HORMAD2: variants seen among roughly 807,000 people sequenced by gnomAD.
HORMAD2 encodes the protein HORMA domain containing 2, also known as HORMA domain-containing protein 2.
HORMAD2 carries 45 observed loss-of-function variants against 38.8 expected under a neutral mutation model. That is an observed-to-expected ratio of 1.16 (90% CI 0.91 to 1.49). HORMAD2 has a LOEUF of 1.49. HORMAD2 is among the 40% of genes most tolerant of loss of function. The pLI is 0.00. For missense variants in HORMAD2, 338 were observed against 367.0 expected (o/e 0.92, Z 0.65); for synonymous variants, 126 against 122.8 (o/e 1.03, Z -0.17).
chr22:30,156,274 A>C (rs1465775785), intron 10 of HORMAD2, among the ~76,000 whole-genome samples: 7 of 152,174 alleles, frequency 4.6e-5, no homozygotes, highest in Non-Finnish European at 1.0e-4. Flanking sequence ...CTTCCTACCT[A>C]GTGTAGCTTT....
chr22:30,183,054 C>T, the HORMAD2 span, among the ~76,000 whole-genome samples: 3 of 152,152 alleles, frequency 2.0e-5, no homozygotes, highest in Admixed American at 1.3e-4. Context: ...ATTTCTTTCC[C>T]TCCCTTTTAA....
intron 10 of HORMAD2, among the ~76,000 whole-genome samples, chr22:30,139,709 T>C (rs1923942411): frequency 6.6e-6 from 1 of 152,116 alleles, no homozygotes; most frequent in South Asian, 2.1e-4. Context: ...TCATTAGGTA[T>C]GGGTTTTTGT....
At chr22:30,175,318 T>TATATATAATAATATATATAATATA (rs1569123268) in intron 10 of HORMAD2, among the ~76,000 whole-genome samples, 12 of 120,066 alleles carry the variant, frequency 1.0e-4, no homozygotes, top group African/African-American at 3.7e-4. Context: ...TATAATATAA[T>TATATATAATAATATATATAATATA]ATATATATAT....
chr22:30,083,859 A>G (rs565401712), intron 1 of HORMAD2, among the ~76,000 whole-genome samples: 1 of 152,308 alleles, frequency 6.6e-6, no homozygotes, highest in African/African-American at 2.4e-5. Context: ...AGCTCATGCT[A>G]GAACACTAGA....
the HORMAD2 span, among the ~76,000 whole-genome samples, chr22:30,206,793 T>TA: frequency 6.6e-6 from 1 of 152,118 alleles, no homozygotes; most frequent in Non-Finnish European, 1.5e-5. Context: ...TTGATGAAGT[T>TA]ACAAAATTCT....
rs1924528316 is a variant in HORMAD2, at chr22:30,148,067, T to A, written c.819+25853T>A. The stretch of plus-strand genomic sequence containing the variant: ...ATGTTCATAGCAGCTTTATTCATAA[T>A]AGTTCCAAACTGGAATTAACCCGCG... On this transcript the variant is annotated intron_variant, in intron 10 of 10. Coordinates refer to ENST00000336726, the MANE Select transcript of HORMAD2 (RefSeq NM_152510.4). 2.0e-5 allele frequency among the ~76,000 whole-genome samples: 3 copies of A among 152,230 alleles called. 1 individual carries two copies. In the South Asian group the frequency reaches 6.2e-4, roughly 32 times the overall value.
the HORMAD2 span, among the ~76,000 whole-genome samples, chr22:30,203,269 C>A: frequency 5.9e-5 from 9 of 152,042 alleles, no homozygotes; most frequent in Non-Finnish European, 1.2e-4. Flanking sequence ...GCGGCGCATG[C>A]CTGTAGTCCC....
At chr22:30,113,861 A>G (rs1247544858) in intron 7 of HORMAD2, among the ~76,000 whole-genome samples, 1 of 152,202 alleles carries the variant, frequency 6.6e-6, no homozygotes, top group East Asian at 1.9e-4. Context: ...TACGGTAGGT[A>G]GCAATTCCTC....
At chr22:30,091,657 A>G (rs1238485743) in intron 1 of HORMAD2, among the ~76,000 whole-genome samples, 4 of 152,188 alleles carry the variant, frequency 2.6e-5, no homozygotes, top group Admixed American at 2.0e-4. Flanking sequence ...ACATGGAGGT[A>G]TAGATATCTC....
chr22:30,183,874 A>G, the HORMAD2 span, among the ~76,000 whole-genome samples: 1 of 152,268 alleles, frequency 6.6e-6, no homozygotes, highest in Admixed American at 6.5e-5. Flanking sequence ...GCCTTACTTC[A>G]TAGGCATTAG....
chr22:30,086,579 CCATTGAAGT>C (rs1186663069), intron 1 of HORMAD2, among the ~76,000 whole-genome samples: 1 of 152,016 alleles, frequency 6.6e-6, no homozygotes. Context: ...TAGTGGGGAG[CCATTGAAGT>C]ATTTCAATCT....
chr22:30,156,681 A>C (rs1033817500), intron 10 of HORMAD2, among the ~76,000 whole-genome samples: 5 of 152,238 alleles, frequency 3.3e-5, no homozygotes, highest in African/African-American at 1.2e-4. Context: ...TCATTCAGTC[A>C]TACCACAAGA....
intron 1 of HORMAD2, among the ~76,000 whole-genome samples, chr22:30,085,359 A>G (rs190709803): frequency 2.8e-4 from 42 of 152,300 alleles, no homozygotes; most frequent in South Asian, 6.2e-4. Context: ...TAGTGTTTGC[A>G]TTATTTTGTG....
At chr22:30,150,154 G>C (rs1924658465) in intron 10 of HORMAD2, among the ~76,000 whole-genome samples, 1 of 151,530 alleles carries the variant, frequency 6.6e-6, no homozygotes, top group East Asian at 1.9e-4. Context: ...TTTCTTTCTG[G>C]GCCCACCAGT....
At chr22:30,119,909 A>C (rs535564882) in intron 8 of HORMAD2, among the ~76,000 whole-genome samples, 2 of 152,354 alleles carry the variant, frequency 1.3e-5, no homozygotes, top group South Asian at 4.1e-4. Context: ...TACAGACAGC[A>C]CTAGAATGTG....
chr22:30,098,772 C>T, intron 2 of HORMAD2, 80 bp from the exon 3 acceptor site: 4 of 1,191,040 alleles, frequency 3.4e-6, no homozygotes, highest in Non-Finnish European at 4.6e-6. Flanking sequence ...GAAATCTTTT[C>T]ATCATATATG....
chr22:30,186,008 G>C, the HORMAD2 span, among the ~76,000 whole-genome samples: 2 of 96,588 alleles, frequency 2.1e-5, no homozygotes, highest in Non-Finnish European at 5.3e-5. Flanking sequence ...GTTTTTCTTG[G>C]GGGGGGAGGC....
At chr22:30,180,164 A>G (rs1926640075), downstream of HORMAD2, among the ~76,000 whole-genome samples, 1 of 152,162 alleles carries the variant, frequency 6.6e-6, no homozygotes, top group Non-Finnish European at 1.5e-5. Context: ...TGCTGGGATT[A>G]CAGATGTGAG....
intron 3 of HORMAD2, 130 bp from the exon 4 acceptor site, chr22:30,103,307 T>A: frequency 1.6e-6 from 1 of 619,442 alleles, no homozygotes; most frequent in Non-Finnish European, 2.9e-6. Flanking sequence ...TCCAAAATGT[T>A]TTTATAAGCT....
Sources: allele counts gnomAD v4.1 joint callset (sites outside exome capture counted in the v4.1 genomes callset), GRCh38; gene constraint gnomAD v4.1.1; transcripts MANE v1.5; gene names NCBI Gene and HGNC (gene_info 2026-07-23, HGNC 2026-07-21).